PTPA: variants seen among roughly 807,000 people sequenced by gnomAD.
PTPA encodes protein phosphatase 2 phosphatase activator.
A neutral mutation model predicts 43.6 loss-of-function variants in PTPA; 13 were observed. That is an observed-to-expected ratio of 0.30 (90% CI 0.19 to 0.47). PTPA has a LOEUF of 0.47. Among genes scored for constraint, PTPA ranks in the 20% least tolerant of loss-of-function variants. The probability of loss-of-function intolerance (pLI) is 0.99; values close to 1 mark genes in which losing one functional copy is unlikely to be tolerated. For missense variants in PTPA, 329 were observed against 411.9 expected (o/e 0.80, Z 1.74); for synonymous variants, 172 against 158.2 (o/e 1.09, Z -0.66).
rs865988538 is a variant in PTPA, at chr9:129,128,543, A to G, written c.217-442A>G. Among the ~76,000 whole-genome samples, 19 of 152,200 alleles carry G rather than the reference A, an allele frequency of 1.2e-4. No homozygotes were observed. The South Asian group carries it at 3.5e-3, about 28-fold the overall frequency. On this transcript the variant is annotated intron_variant, in intron 3 of 9. Transcript: ENST00000393370. ...AAGAGCGAAACTCTGTCTCAAAAAA[A>G]AAAAAAAAAAGTTTAGTGTATTTCT...
rs543081381 is a variant in PTPA at position 129,127,865 on chromosome 9, A to G, written c.217-1120A>G. 6 of 828,588 alleles carry G rather than the reference A, an allele frequency of 7.2e-6. No homozygotes were observed. In the South Asian group the frequency reaches 8.8e-5, roughly 12 times the overall value. 51.3% of individuals were successfully genotyped at this position (828,588 alleles called of 1,614,324 possible). A position where few individuals can be genotyped will look rare whatever the true frequency, so the allele number is the denominator to read the frequency against. Reference sequence around the variant, plus strand: ...TAGTGAAACAGGTGGAAATAACCCAAACATTTAACAGTGAGGAATTAAATT... The same window carrying G: ...TAGTGAAACAGGTGGAAATAACCCAGACATTTAACAGTGAGGAATTAAATT... On this transcript the variant is annotated intron_variant, in intron 3 of 9. Coordinates refer to ENST00000393370, the MANE Select transcript of PTPA (RefSeq NM_178000.3).
intron 7 of PTPA, among the ~76,000 whole-genome samples, chr9:129,137,142 A>T (rs1373285935): frequency 6.6e-6 from 1 of 152,176 alleles, no homozygotes; most frequent in Non-Finnish European, 1.5e-5. Flanking sequence ...TTTGATGAAG[A>T]ATGAACTGCC....
At position 129,137,635 on chromosome 9, in the gene PTPA, C is replaced by G. The variant is rs150647017; in HGVS notation, c.729C>G (p.Ala243=). 1 of 1,613,056 alleles carries G rather than the reference C, an allele frequency of 6.2e-7. No individual in the cohort carries two copies. Among genetic ancestry groups the G allele is most frequent in the Admixed American group, 1.7e-5 (1 of 59,886 alleles). The change falls in exon 8 of 10, where the codon GCC becomes GCG. Residue 243 remains alanine, a synonymous_variant. Coordinates refer to ENST00000393370, the MANE Select transcript of PTPA (RefSeq NM_178000.3). The stretch of plus-strand genomic sequence containing the variant: ...CCAGACACTTTGTGGATGAGAAGGC[C>G]GTGAATGAGAACCACAAGGACTACA... ...LEPRHFVDEK[A]VNENHKDYMF... is the part of the protein sequence containing the mutation.
At chr9:129,116,579 G>A (rs1170563924) in intron 1 of PTPA, among the ~76,000 whole-genome samples, 1 of 152,038 alleles carries the variant, frequency 6.6e-6, no homozygotes, top group Non-Finnish European at 1.5e-5. Context: ...TAGAGACGGG[G>A]TTTCACCGTG....
upstream of PTPA, chr9:129,111,355 C>T: frequency 8.3e-7 from 1 of 1,207,464 alleles, no homozygotes; most frequent in South Asian, 4.1e-5. Context: ...TGGCCGTCGC[C>T]CGGTTCCGCG....
At position 129,132,198 on chromosome 9, in the gene PTPA, T is replaced by G. The variant is rs1208414072; in HGVS notation, c.460+559T>G. ...AGGGAAGTGTAGACAGGTGCAGTGG[T>G]GCGTGCCTGTAATCCTAGCACTTTT... On this transcript the variant is annotated intron_variant, in intron 5 of 9. Transcript: ENST00000393370. 3.9e-5 allele frequency among the ~76,000 whole-genome samples: 6 copies of G among 152,144 alleles called. 1 individual carries two copies. The East Asian group carries it at 1.2e-3, about 29-fold the overall frequency.
At chr9:129,127,728 G>A (rs185375145) in intron 3 of PTPA, among the ~76,000 whole-genome samples, 4 of 152,252 alleles carry the variant, frequency 2.6e-5, no homozygotes, top group East Asian at 3.9e-4. Context: ...AAGGTGTAGG[G>A]GGATGGGCTC....
chr9:129,129,096 G>A lies in PTPA; in HGVS notation c.328G>A (p.Ala110Thr), dbSNP rs1376254709. ...GAATAAGGCATACAGGACCTGGTAT[G>A]CCAAACTTGATGAGGTGAGGCTGCC... ...FGNKAYRTWY[A>T]KLDEEAENLV... Residue 110 changes from alanine to threonine, a missense_variant, in exon 4 of 10, where the codon GCC becomes ACC. Coordinates refer to ENST00000393370, the MANE Select transcript of PTPA (RefSeq NM_178000.3). 2 of 1,612,190 alleles carry A rather than the reference G, an allele frequency of 1.2e-6. No homozygotes were observed. The highest frequency in any genetic ancestry group is 1.7e-6 in the Non-Finnish European group (2 of 1,179,970).
chr9:129,132,607 T>C (rs551046225), intron 5 of PTPA, among the ~76,000 whole-genome samples: 6 of 152,286 alleles, frequency 3.9e-5, no homozygotes, highest in African/African-American at 7.2e-5. Context: ...TTCAAGCGAT[T>C]ATTCTGCTGG....
At chr9:129,141,546 C>T (rs1008459824) in intron 8 of PTPA, 4 of 152,294 alleles carry the variant, frequency 2.6e-5, no homozygotes, top group African/African-American at 9.7e-5. Context: ...ATGTGCTGGA[C>T]TTGCGGTGTC....
intron 4 of PTPA, among the ~76,000 whole-genome samples, chr9:129,131,244 C>T (rs1386820473): frequency 6.6e-6 from 1 of 152,208 alleles, no homozygotes; most frequent in East Asian, 1.9e-4. Flanking sequence ...CAGTGAGTTA[C>T]CACATGGGAG....
At chr9:129,129,259 A>C (rs747572513) in intron 4 of PTPA, 149 bp downstream of exon 4, 2 of 1,185,590 alleles carry the variant, frequency 1.7e-6, no homozygotes, top group Non-Finnish European at 2.3e-6. Flanking sequence ...CAAAATTACA[A>C]ATGAGTTTAT....
At chr9:129,129,866 G>C (rs1849842777) in intron 4 of PTPA, among the ~76,000 whole-genome samples, 4 of 152,292 alleles carry the variant, frequency 2.6e-5, no homozygotes, top group South Asian at 4.1e-4. Flanking sequence ...GAGCCCAGGA[G>C]TTTGTGAGTA....
intron 9 of PTPA, chr9:129,143,233 C>CT: frequency 3.0e-6 from 2 of 675,384 alleles, no homozygotes; most frequent in Non-Finnish European, 2.7e-6. Context: ...CATTTTATTT[C>CT]TACTCTGTCC....
chr9:129,111,680 G>T, intron 1 of PTPA, 49 bp downstream of exon 1: 1 of 1,264,586 alleles, frequency 7.9e-7, no homozygotes, highest in South Asian at 3.1e-5. Context: ...GGGTGGGGGC[G>T]GTGCCAGGTG....
At chr9:129,141,404 T>A (rs1278982680) in intron 8 of PTPA, among the ~76,000 whole-genome samples, 2 of 152,208 alleles carry the variant, frequency 1.3e-5, no homozygotes, top group African/African-American at 4.8e-5. Flanking sequence ...TTTGCCAGAT[T>A]CAGCCTCTTT....
chr9:129,112,066 G>C lies in PTPA; in HGVS notation c.31+435G>C, dbSNP rs576509081. 4 of 167,952 alleles carry C rather than the reference G, an allele frequency of 2.4e-5. No homozygotes were observed. The South Asian group carries it at 8.0e-4, about 34-fold the overall frequency. The allele number at this position is 167,952 out of a possible 1,614,324, so 10.4% of individuals were successfully genotyped here. A position where few individuals can be genotyped will look rare whatever the true frequency, so the allele number is the denominator to read the frequency against. On this transcript the variant is annotated intron_variant, in intron 1 of 9. Coordinates refer to ENST00000393370, the MANE Select transcript of PTPA (RefSeq NM_178000.3). ...GGATGGGGTGGTGCTCCGTGGGCCT[G>C]CGCCCGCCTCGCCTCCAGTTTCGGC...
At chr9:129,117,166 G>A (rs2131544038) in intron 1 of PTPA, among the ~76,000 whole-genome samples, 1 of 151,908 alleles carries the variant, frequency 6.6e-6, no homozygotes, top group East Asian at 1.9e-4. Flanking sequence ...TCCCGCCTCA[G>A]CCCCCGAATA....
At chr9:129,135,851 G>A (rs576122891) in intron 6 of PTPA, among the ~76,000 whole-genome samples, 7 of 152,374 alleles carry the variant, frequency 4.6e-5, no homozygotes, top group African/African-American at 1.7e-4. Flanking sequence ...ACTTGTGTTA[G>A]CTTTCAGACA....
Sources: allele counts gnomAD v4.1 joint callset (sites outside exome capture counted in the v4.1 genomes callset), GRCh38; gene constraint gnomAD v4.1.1; transcripts MANE v1.5; gene names NCBI Gene and HGNC (gene_info 2026-07-23, HGNC 2026-07-21).